VGLL4: variants seen among roughly 807,000 people sequenced by gnomAD.
VGLL4 encodes the protein vestigial like family member 4, also known as transcription cofactor vestigial-like protein 4.
Under a neutral mutation model 21.0 loss-of-function variants are expected in VGLL4, and 7 were observed. The observed-to-expected ratio is 0.33, with a 90% CI of 0.19 to 0.63. The LOEUF is 0.63. VGLL4 is among the 20% of genes least tolerant of loss of function. VGLL4 has a pLI of 0.78. For missense variants in VGLL4, 394 were observed against 425.7 expected (o/e 0.93, Z 0.66); for synonymous variants, 222 against 173.2 (o/e 1.28, Z -2.21).
intron 1 of VGLL4, among the ~76,000 whole-genome samples, chr3:11,706,720 T>C (rs1354910642): frequency 6.6e-6 from 1 of 152,174 alleles, no homozygotes; most frequent in Admixed American, 6.5e-5. Context: ...TTCTGTATAC[T>C]TCCTAGGTGC....
rs778844042 is a variant in VGLL4, at chr3:11,564,880, G to C, written c.412C>G (p.Pro138Ala). The change falls in exon 3 of 5, where the codon CCC (proline) becomes GCC (alanine). Residue 138 changes from proline to alanine, a missense_variant. Physicochemically the swap from Pro to Ala is conservative, Grantham distance 27. Coordinates refer to ENST00000430365, the MANE Select transcript of VGLL4 (RefSeq NM_001128219.3). ...AGGCTGTTCTTGGTCAGTGCGAGGG[G>C]CTGCTCCAGGCCAAGGCTGGGGAGG... ...TSLPSLGLEQ[P>A]LALTKNSLDA... The C allele has an allele frequency of 1.2e-6, 2 of 1,608,334 alleles. No homozygotes were observed. The highest frequency in any genetic ancestry group is 1.7e-6 in the Non-Finnish European group (2 of 1,178,056).
chr3:11,624,228 C>T (rs1559906942), intron 1 of VGLL4, among the ~76,000 whole-genome samples: 1 of 152,138 alleles, frequency 6.6e-6, no homozygotes, highest in Non-Finnish European at 1.5e-5. Context: ...GTCATTTTAG[C>T]GTGCCCCAAG....
chr3:11,690,785 C>T (rs953398493), intron 2 of VGLL4, among the ~76,000 whole-genome samples: 2 of 152,054 alleles, frequency 1.3e-5, no homozygotes, highest in African/African-American at 4.8e-5. Context: ...AAGGCAGTTA[C>T]AATAAATCTA....
intron 2 of VGLL4, among the ~76,000 whole-genome samples, chr3:11,681,639 G>C (rs533591984): frequency 6.6e-6 from 1 of 152,280 alleles, no homozygotes; most frequent in East Asian, 1.9e-4. Context: ...TTACTATATA[G>C]TATTAATATT....
At chr3:11,561,424 C>T (rs1270210745) in intron 3 of VGLL4, among the ~76,000 whole-genome samples, 1 of 152,182 alleles carries the variant, frequency 6.6e-6, no homozygotes, top group Non-Finnish European at 1.5e-5. Context: ...GGCGAATTGC[C>T]TTAACCGGTC....
intron 2 of VGLL4, among the ~76,000 whole-genome samples, chr3:11,601,545 C>T (rs1174267367): frequency 2.0e-5 from 3 of 152,180 alleles, no homozygotes; most frequent in African/African-American, 7.2e-5. Flanking sequence ...CAGATGACTA[C>T]TCGACTGCTC....
chr3:11,697,162 G>T (rs541631477), intron 2 of VGLL4, among the ~76,000 whole-genome samples: 32 of 152,072 alleles, frequency 2.1e-4, no homozygotes, highest in Admixed American at 2.1e-3. Context: ...GGGCAGTGGC[G>T]CAATCACAGC....
At chr3:11,648,705 A>G (rs1575493343), upstream of VGLL4, among the ~76,000 whole-genome samples, 1 of 152,252 alleles carries the variant, frequency 6.6e-6, no homozygotes, top group East Asian at 1.9e-4. Context: ...AACAAAGGAA[A>G]AAATTGAAAA....
intron 2 of VGLL4, among the ~76,000 whole-genome samples, chr3:11,573,255 G>T (rs774913258): frequency 0.057 from 551 of 9,634 alleles, 33 homozygotes; most frequent in Non-Finnish European, 0.063. Flanking sequence ...GAGAAAGAAA[G>T]AAAGAAAGAA....
At chr3:11,666,260 A>C (rs1380142677) in intron 2 of VGLL4, among the ~76,000 whole-genome samples, 1 of 151,958 alleles carries the variant, frequency 6.6e-6, no homozygotes, top group African/African-American at 2.4e-5. Context: ...AAAAAAAAAA[A>C]AAAAAGAAAG....
In VGLL4 at chr3:11,558,550, C is replaced by T; in HGVS notation, c.*6G>A. 1 of 1,594,788 alleles carries T rather than the reference C, an allele frequency of 6.3e-7. No homozygotes were observed. Among genetic ancestry groups the T allele is most frequent in the South Asian group, 1.1e-5 (1 of 90,956 alleles). On this transcript the variant is annotated 3_prime_UTR_variant, in exon 5 of 5. Coordinates refer to ENST00000430365, the MANE Select transcript of VGLL4 (RefSeq NM_001128219.3). ...GATCCACGTGTTGTTGGAGGAGGCG[C>T]TCCCTTCAGGAGACCACAGAGGGGG...
intron 2 of VGLL4, among the ~76,000 whole-genome samples, chr3:11,684,689 A>G (rs1302570526): frequency 6.6e-6 from 1 of 151,604 alleles, no homozygotes; most frequent in Non-Finnish European, 1.5e-5. Context: ...TCCCTAACAT[A>G]ACTTTCTTCC....
chr3:11,705,163 AAG>A (rs2076740701), intron 1 of VGLL4, among the ~76,000 whole-genome samples: 1 of 152,230 alleles, frequency 6.6e-6, no homozygotes, highest in Admixed American at 6.5e-5. Context: ...CTAAGCAGAA[AAG>A]CGGCTTAGTC....
intron 1 of VGLL4, among the ~76,000 whole-genome samples, chr3:11,705,192 C>T (rs1463970245): frequency 6.6e-6 from 1 of 152,230 alleles, no homozygotes; most frequent in Non-Finnish European, 1.5e-5. Context: ...GCGTTCTGGG[C>T]AAGTTATCCT....
At chr3:11,687,897 T>G (rs556910558) in intron 2 of VGLL4, among the ~76,000 whole-genome samples, 1 of 152,330 alleles carries the variant, frequency 6.6e-6, no homozygotes, top group Non-Finnish European at 1.5e-5. Context: ...TAACTTAATC[T>G]GTTCCACCAT....
At chr3:11,624,188 T>A (rs2075313098) in intron 1 of VGLL4, among the ~76,000 whole-genome samples, 2 of 152,198 alleles carry the variant, frequency 1.3e-5, no homozygotes, top group Admixed American at 6.5e-5. Context: ...CCAGTCCTAA[T>A]AAAAAGTTGT....
chr3:11,573,304 A>AAAGAAAGG (rs2073896708), intron 2 of VGLL4, among the ~76,000 whole-genome samples: 5 of 12,066 alleles, frequency 4.1e-4, no homozygotes, highest in Admixed American at 8.9e-4. Flanking sequence ...AGAAAGAAAG[A>AAAGAAAGG]AAGGAAGGAA....
At chr3:11,580,585 A>C (rs1428911669) in intron 2 of VGLL4, among the ~76,000 whole-genome samples, 1 of 152,240 alleles carries the variant, frequency 6.6e-6, no homozygotes, top group Non-Finnish European at 1.5e-5. Flanking sequence ...GGAGGTGGGA[A>C]GTATAGGATG....
rs1011006103 is a variant in VGLL4 at position 11,565,036 on chromosome 3, G to A, written c.273-17C>T. The A allele has an allele frequency of 6.8e-7, 1 of 1,468,272 alleles. No individual in the cohort carries two copies. Among genetic ancestry groups the A allele is most frequent in the Admixed American group, 2.6e-5 (1 of 37,816 alleles). The allele number at this position is 1,468,272 out of a possible 1,614,324, so 91.0% of individuals were successfully genotyped here. ...GTCTTGTTCCTGAAAAAGAGGAATG[G>A]GCATTCAGGGGGCGTTTTCTCAAAG... is the stretch of plus-strand genomic sequence containing the variant. On this transcript the variant is annotated splice_polypyrimidine_tract_variant and intron_variant, in intron 2 of 4. Coordinates refer to ENST00000430365, the MANE Select transcript of VGLL4 (RefSeq NM_001128219.3). The surrounding 1 kb of genome is among the most constrained non-coding windows in gnomAD (Gnocchi z 4.1).
Sources: allele counts gnomAD v4.1 joint callset (sites outside exome capture counted in the v4.1 genomes callset), GRCh38; gene constraint gnomAD v4.1.1; non-coding constraint Gnocchi (gnomAD v3.1); transcripts MANE v1.5; gene names NCBI Gene and HGNC (gene_info 2026-07-23, HGNC 2026-07-21).